The following KIAA1328 variants were observed in gnomAD, a reference collection of about 807,000 sequenced individuals.
The protein encoded by KIAA1328 is KIAA1328, also known as protein hinderin.
A neutral mutation model predicts 68.1 loss-of-function variants in KIAA1328; 52 were observed. The ratio of observed to expected loss-of-function variants is 0.76; its 90% CI spans 0.61 to 0.96. The LOEUF (loss-of-function observed/expected upper bound fraction) is 0.96. KIAA1328 is among the 40% of genes least tolerant of loss of function. The pLI is 0.00. For synonymous variants in KIAA1328, 232 were observed against 239.4 expected, an observed-to-expected ratio of 0.97 and a Z score of 0.28; for missense variants, 641 against 677.6, an observed-to-expected ratio of 0.95 and a Z score of 0.60.
intron 7 of KIAA1328, among the ~76,000 whole-genome samples, chr18:37,145,181 G>A (rs1293653891): frequency 2.0e-5 from 3 of 151,786 alleles, no homozygotes; most frequent in African/African-American, 7.3e-5. Context: ...TTCCTACCTG[G>A]GCAACAGGGT....
chr18:36,991,744 GC>G (rs1357434495), intron 6 of KIAA1328, among the ~76,000 whole-genome samples: 1 of 152,140 alleles, frequency 6.6e-6, no homozygotes, highest in Non-Finnish European at 1.5e-5. Flanking sequence ...CCATGGCTGG[GC>G]CTCTATGTTG....
intron 5 of KIAA1328, chr18:36,946,113 A>C (rs2050889775): frequency 6.6e-6 from 1 of 152,200 alleles, no homozygotes; most frequent in Non-Finnish European, 1.5e-5. Context: ...TTCAACCTAT[A>C]CTTCAGTAGT....
rs1260972457 is a variant in KIAA1328 at position 37,054,823 on chromosome 18, A to AT, written c.577-12065dup. On this transcript the variant is annotated intron_variant, in intron 6 of 9. Transcript: ENST00000280020. ...CCCCCTGAATCTATTTTTTAAAAAGATTATGAGATTTAGCCTTTTCTGAAT... is the reference window on the plus strand; with the variant it reads ...CCCCCTGAATCTATTTTTTAAAAAGATTTATGAGATTTAGCCTTTTCTGAAT... Among the ~76,000 whole-genome samples the AT allele has an allele frequency of 3.9e-5, 6 of 152,212 alleles. No individual in the cohort carries two copies. The East Asian group carries it at 1.2e-3, about 29-fold the overall frequency.
chr18:37,121,817 C>A (rs2058278892), intron 7 of KIAA1328, among the ~76,000 whole-genome samples: 1 of 151,864 alleles, frequency 6.6e-6, no homozygotes, highest in Admixed American at 6.6e-5. Context: ...TGCAGGCCTC[C>A]TATTTGTTAT....
chr18:37,102,477 A>G (rs2057651708), intron 7 of KIAA1328, among the ~76,000 whole-genome samples: 1 of 152,236 alleles, frequency 6.6e-6, no homozygotes, highest in Non-Finnish European at 1.5e-5. Flanking sequence ...AACAACGGAT[A>G]AAGACCATAT....
At chr18:37,057,071 C>G (rs1466888535) in intron 6 of KIAA1328, among the ~76,000 whole-genome samples, 1 of 152,150 alleles carries the variant, frequency 6.6e-6, no homozygotes, top group Non-Finnish European at 1.5e-5. Flanking sequence ...ACATGCTTTT[C>G]TGCTAAATGT....
At chr18:36,852,197 C>T (rs1028092238) in intron 4 of KIAA1328, among the ~76,000 whole-genome samples, 3 of 152,088 alleles carry the variant, frequency 2.0e-5, no homozygotes, top group African/African-American at 7.2e-5. Flanking sequence ...TATGACCTAA[C>T]ATGTGGTTTA....
intron 6 of KIAA1328, among the ~76,000 whole-genome samples, chr18:37,056,312 T>A (rs1268255954): frequency 6.6e-6 from 1 of 152,192 alleles, no homozygotes; most frequent in Non-Finnish European, 1.5e-5. Flanking sequence ...ATTGTATTTT[T>A]AAAATTATCT....
At chr18:37,004,817 A>T (rs1347895511) in intron 6 of KIAA1328, among the ~76,000 whole-genome samples, 1 of 152,164 alleles carries the variant, frequency 6.6e-6, no homozygotes, top group Non-Finnish European at 1.5e-5. Flanking sequence ...TTATAACAGC[A>T]CAATTCACAA....
chr18:37,084,184 A>C (rs1316624590), intron 7 of KIAA1328: 3 of 1,527,052 alleles, frequency 2.0e-6, no homozygotes, highest in Non-Finnish European at 2.6e-6. Flanking sequence ...CAGCTTACTA[A>C]ACCCCAAGAA....
At chr18:37,088,196 C>T (rs2057162095) in intron 7 of KIAA1328, among the ~76,000 whole-genome samples, 1 of 152,168 alleles carries the variant, frequency 6.6e-6, no homozygotes, top group Non-Finnish European at 1.5e-5. Flanking sequence ...CACCTGCTTT[C>T]CAGCCTTCTA....
Position 37,160,351 on chromosome 18 carries a change from C to G in KIAA1328, c.1384C>G (p.Gln462Glu). The G allele has an allele frequency of 6.2e-7, 1 of 1,612,932 alleles. No homozygotes were observed. Among genetic ancestry groups the G allele is most frequent in the South Asian group, 1.1e-5 (1 of 90,974 alleles). The part of the protein sequence containing the change: ...HMKDDAQWSC[Q>E]KKDTCRPQRG... ...GAAAGATGATGCCCAGTGGTCATGT[C>G]AAAAGAAAGATACATGTAGACCCCA... The change falls in exon 8 of 10, where the codon CAA becomes GAA. Residue 462 changes from glutamine to glutamate, a missense_variant. Physicochemically the swap from Gln to Glu is conservative, Grantham distance 29 (BLOSUM62 2). Transcript: ENST00000280020.
intron 7 of KIAA1328, among the ~76,000 whole-genome samples, chr18:37,085,028 G>A (rs1031827908): frequency 2.0e-5 from 3 of 152,076 alleles, no homozygotes; most frequent in African/African-American, 7.2e-5. Flanking sequence ...CTAGCATGGG[G>A]CAGGTCTGGT....
At chr18:37,148,755 G>A (rs1228268605) in intron 7 of KIAA1328, among the ~76,000 whole-genome samples, 3 of 152,086 alleles carry the variant, frequency 2.0e-5, no homozygotes, top group Non-Finnish European at 2.9e-5. Context: ...TGTTGGCTGC[G>A]TGAATGTCTT....
At chr18:37,228,827 A>G (rs2060652114), downstream of KIAA1328, among the ~76,000 whole-genome samples, 1 of 152,046 alleles carries the variant, frequency 6.6e-6, no homozygotes, top group Non-Finnish European at 1.5e-5. Flanking sequence ...CTCAGAAAAA[A>G]AAAAGAAAAA....
At position 37,222,328 on chromosome 18, in the gene KIAA1328, G is replaced by A. The variant is rs1599639296; in HGVS notation, c.*101G>A. On this transcript the variant is annotated 3_prime_UTR_variant, in exon 10 of 10. Transcript: ENST00000280020. ...AAAGTAATTGTGTCTCTCCTTTCAC[G>A]GGGACTTGTCTCACTAGCATCCTGT... 41 of 1,502,784 alleles carry A rather than the reference G, an allele frequency of 2.7e-5. No homozygotes were observed. The highest frequency in any genetic ancestry group is 1.7e-4 in the Admixed American group (8 of 47,082). The allele number at this position is 1,502,784 out of a possible 1,614,324, so 93.1% of individuals were successfully genotyped here.
chr18:36,960,819 A>G (rs9967169), intron 6 of KIAA1328, among the ~76,000 whole-genome samples: 8,752 of 152,302 alleles, frequency 0.057, 317 homozygotes, highest in East Asian at 0.2. Context: ...GGTCACCAAC[A>G]TCAAAGACCA....
Position 37,224,025 on chromosome 18 carries a change from G to A in KIAA1328, c.*1798G>A. The A allele has an allele frequency of 1.0e-6, 1 of 985,398 alleles. No homozygotes were observed. The highest frequency in any genetic ancestry group is 1.2e-6 in the Non-Finnish European group (1 of 829,936). 61.0% of individuals were successfully genotyped at this position (985,398 alleles called of 1,614,324 possible). On this transcript the variant is annotated 3_prime_UTR_variant, in exon 10 of 10. Transcript: ENST00000280020. ...TTCATCCCATATCAAAAAGCCTTTG[G>A]AGTGTGGAGCTTTCTGTGGTATGGC...
At chr18:37,213,273 T>C (rs1231142284) in intron 9 of KIAA1328, among the ~76,000 whole-genome samples, 1 of 152,196 alleles carries the variant, frequency 6.6e-6, no homozygotes, top group Non-Finnish European at 1.5e-5. Context: ...ACATTAGGTA[T>C]TTCTCCTAAT....
Sources: gnomAD v4.1 joint callset for allele counts (sites outside exome capture counted in the v4.1 genomes callset) on GRCh38, gnomAD v4.1.1 for gene constraint, MANE v1.5 for transcripts, NCBI Gene and HGNC (gene_info 2026-07-23, HGNC 2026-07-21) for gene names.